The following WWC1 variants were observed in gnomAD, a reference collection of about 807,000 sequenced individuals.
WWC1 encodes protein KIBRA.
WWC1 carries 55 observed loss-of-function variants against 138.4 expected under a neutral mutation model. The observed-to-expected ratio is 0.40, with a 90% CI of 0.32 to 0.50. The LOEUF is 0.50. Among genes scored for constraint, WWC1 ranks in the 20% least tolerant of loss-of-function variants. The probability of loss-of-function intolerance (pLI) is 0.72; values close to 1 mark genes in which losing one functional copy is unlikely to be tolerated. For synonymous variants in WWC1, 524 were observed against 564.9 expected (o/e 0.93, Z 1.03); for missense variants, 1,226 against 1,420.4 (o/e 0.86, Z 2.20).
intron 1 of WWC1, among the ~76,000 whole-genome samples, chr5:168,303,191 T>C (rs1430351710): frequency 6.6e-6 from 1 of 152,202 alleles, no homozygotes; most frequent in African/African-American, 2.4e-5. Context: ...GAGCCAACAC[T>C]GTCTACCTGC....
chr5:168,335,308 A>C (rs1336112138), intron 1 of WWC1, among the ~76,000 whole-genome samples: 1 of 152,212 alleles, frequency 6.6e-6, no homozygotes, highest in Non-Finnish European at 1.5e-5. Flanking sequence ...GGTGTCACAG[A>C]AGATAATATC....
chr5:168,431,550 G>A (rs1367578686), intron 15 of WWC1, 106 bp downstream of exon 15: 1 of 1,310,576 alleles, frequency 7.6e-7, no homozygotes, highest in Non-Finnish European at 1.0e-6. Flanking sequence ...TGAGCTTCAG[G>A]AAGAAGGTTC....
At chr5:168,444,275 A>G (rs906991284) in intron 16 of WWC1, among the ~76,000 whole-genome samples, 1 of 152,212 alleles carries the variant, frequency 6.6e-6, no homozygotes, top group Non-Finnish European at 1.5e-5. Flanking sequence ...GAGTAAGTTC[A>G]TACATACAGG....
intron 7 of WWC1, 137 bp from the exon 8 acceptor site, chr5:168,409,785 C>T (rs1780084803): frequency 2.4e-6 from 2 of 830,616 alleles, no homozygotes; most frequent in South Asian, 1.4e-5. Flanking sequence ...CTGCGATCTG[C>T]ACCGCCAGCC....
At position 168,469,134 on chromosome 5, in the gene WWC1, G is replaced by T. The variant is rs1757555710; in HGVS notation, c.*117G>T. 1 of 1,313,628 alleles carries T rather than the reference G, an allele frequency of 7.6e-7. No homozygotes were observed. The highest frequency in any genetic ancestry group is 1.1e-6 in the Non-Finnish European group (1 of 931,542). 81.4% of individuals were successfully genotyped at this position (1,313,628 alleles called of 1,614,324 possible). On this transcript the variant is annotated 3_prime_UTR_variant, in exon 23 of 23. Coordinates refer to ENST00000265293, the MANE Select transcript of WWC1 (RefSeq NM_015238.3). Reference sequence around the variant, plus strand: ...GAGTCACAAGTCCTCTAGTGCTCTTGTTGGTTTGAAGATGAACCGACTTTT... The same window carrying T: ...GAGTCACAAGTCCTCTAGTGCTCTTTTTGGTTTGAAGATGAACCGACTTTT...
chr5:168,419,551 T>C (rs1406235740), intron 9 of WWC1, among the ~76,000 whole-genome samples: 1 of 152,136 alleles, frequency 6.6e-6, no homozygotes, highest in East Asian at 1.9e-4. Flanking sequence ...AAAGAGAGAT[T>C]TCTGGGCCCT....
chr5:168,353,839 C>T (rs190462278), intron 1 of WWC1, among the ~76,000 whole-genome samples: 377 of 152,298 alleles, frequency 2.5e-3, no homozygotes, highest in Admixed American at 4.5e-3. Context: ...ACGGATTTCA[C>T]CTTTCTGGGA....
At chr5:168,306,146 C>T (rs1770539728) in intron 1 of WWC1, among the ~76,000 whole-genome samples, 1 of 152,074 alleles carries the variant, frequency 6.6e-6, no homozygotes, top group Non-Finnish European at 1.5e-5. Context: ...GCCTGTAATC[C>T]CAACACTTTG....
intron 11 of WWC1, among the ~76,000 whole-genome samples, chr5:168,427,779 C>T (rs1328347407): frequency 6.6e-6 from 1 of 151,536 alleles, no homozygotes; most frequent in African/African-American, 2.4e-5. Context: ...TATGGCAAAA[C>T]CCCATCTCTA....
At chr5:168,302,788 G>A (rs1214859816) in intron 1 of WWC1, among the ~76,000 whole-genome samples, 1 of 152,156 alleles carries the variant, frequency 6.6e-6, no homozygotes, top group East Asian at 1.9e-4. Context: ...TTGTTGGATA[G>A]TGTACCTGTA....
At chr5:168,442,655 G>C (rs1160987120) in intron 16 of WWC1, among the ~76,000 whole-genome samples, 1 of 151,534 alleles carries the variant, frequency 6.6e-6, no homozygotes, top group East Asian at 1.9e-4. Context: ...TGGCCAACAT[G>C]GTGAAACCCT....
At chr5:168,313,038 C>T (rs1402629232) in intron 1 of WWC1, among the ~76,000 whole-genome samples, 1 of 151,872 alleles carries the variant, frequency 6.6e-6, no homozygotes, top group Non-Finnish European at 1.5e-5. Flanking sequence ...GAAGTCCTGA[C>T]CTCAAGTGAT....
At chr5:168,430,638 A>T (rs542290199) in intron 14 of WWC1, among the ~76,000 whole-genome samples, 2 of 94,416 alleles carry the variant, frequency 2.1e-5, no homozygotes, top group Admixed American at 2.3e-4. Flanking sequence ...TGTTTCCAAG[A>T]GTCAACACCA....
intron 21 of WWC1, among the ~76,000 whole-genome samples, chr5:168,465,820 A>G (rs538718830): frequency 6.6e-6 from 1 of 152,176 alleles, no homozygotes; most frequent in East Asian, 1.9e-4. Flanking sequence ...GGCCTCCCAA[A>G]GTGTTGCGAT....
intron 21 of WWC1, 34 bp downstream of exon 21, chr5:168,464,996 G>C: frequency 6.2e-7 from 1 of 1,608,774 alleles, no homozygotes; most frequent in South Asian, 1.1e-5. Context: ...GGAGCCCTGC[G>C]CTCTGCCCCA....
At position 168,307,054 on chromosome 5, in the gene WWC1, A is replaced by G. The variant is rs1581871404; in HGVS notation, c.119+14783A>G. ...TATAGATCGCAGCCTGTGGACAGGA[A>G]CTAATAATTGCTAATATTTATTACA... On this transcript the variant is annotated intron_variant, in intron 1 of 22. Transcript: ENST00000265293. Among the ~76,000 whole-genome samples the G allele has an allele frequency of 2.0e-5, 3 of 152,366 alleles. No individual in the cohort carries two copies. The South Asian group carries it at 6.2e-4, about 32-fold the overall frequency.
intron 5 of WWC1, among the ~76,000 whole-genome samples, chr5:168,405,703 C>CT (rs756275419): frequency 7.7e-4 from 109 of 141,668 alleles, no homozygotes; most frequent in Middle Eastern, 3.7e-3. Flanking sequence ...CTTTCTATGC[C>CT]TTTTTTTTTT....
At chr5:168,338,025 G>T (rs747215300) in intron 1 of WWC1, among the ~76,000 whole-genome samples, 3 of 152,118 alleles carry the variant, frequency 2.0e-5, no homozygotes, top group Non-Finnish European at 4.4e-5. Flanking sequence ...AAATGCAGTG[G>T]GAAGGCCAGG....
At chr5:168,348,263 G>T (rs1214967398) in intron 1 of WWC1, among the ~76,000 whole-genome samples, 2 of 152,206 alleles carry the variant, frequency 1.3e-5, no homozygotes, top group Admixed American at 6.5e-5. Context: ...TGTGTGCACG[G>T]GTGTGTGCAC....
Sources: gnomAD v4.1 joint callset for allele counts (sites outside exome capture counted in the v4.1 genomes callset) on GRCh38, gnomAD v4.1.1 for gene constraint, MANE v1.5 for transcripts, NCBI Gene and HGNC (gene_info 2026-07-23, HGNC 2026-07-21) for gene names.